The following MYLK variants were observed in gnomAD, a reference collection of about 807,000 sequenced individuals.
MYLK encodes myosin light chain kinase, smooth muscle.
In MYLK, 106 loss-of-function variants were observed where a neutral mutation model predicts 203.4. That is an observed-to-expected ratio of 0.52 (90% CI 0.45 to 0.61). The LOEUF is 0.61. MYLK is among the 20% of genes least tolerant of loss of function. The pLI is 0.00. For missense variants in MYLK, 2,072 were observed against 2,442.3 expected (o/e 0.85, Z 3.20); for synonymous variants, 867 against 959.5 (o/e 0.90, Z 1.78).
intron 3 of MYLK, among the ~76,000 whole-genome samples, chr3:123,820,786 C>T (rs1042855260): frequency 3.3e-5 from 5 of 152,010 alleles, no homozygotes; most frequent in African/African-American, 1.2e-4. Flanking sequence ...TGCAGTAGTG[C>T]AATCTCGGCT....
chr3:123,861,023 G>C (rs543787075), intron 2 of MYLK, among the ~76,000 whole-genome samples: 231 of 152,152 alleles, frequency 1.5e-3, no homozygotes, highest in African/African-American at 4.3e-3. Context: ...TCAGCTACTT[G>C]GGAGGCTGAG....
chr3:123,752,139 C>G (rs1057335457), intron 5 of MYLK, among the ~76,000 whole-genome samples, 192 bp downstream of exon 5: 1 of 152,110 alleles, frequency 6.6e-6, no homozygotes, highest in African/African-American at 2.4e-5. Context: ...CAAACATCAT[C>G]TCCTGGATGC....
At chr3:123,807,654 A>G (rs1431198165) in intron 3 of MYLK, among the ~76,000 whole-genome samples, 1 of 152,210 alleles carries the variant, frequency 6.6e-6, no homozygotes, top group African/African-American at 2.4e-5. Flanking sequence ...TGCCTGAGGA[A>G]GAGACCATGC....
chr3:123,745,565 C>G (rs2108846317), intron 5 of MYLK, among the ~76,000 whole-genome samples: 1 of 152,266 alleles, frequency 6.6e-6, no homozygotes, highest in South Asian at 2.1e-4. Context: ...TTTTGTTGTA[C>G]ATGTTAGTCT....
intron 33 of MYLK, 82 bp downstream of exon 33, chr3:123,618,557 T>C: frequency 1.3e-6 from 2 of 1,592,408 alleles, no homozygotes; most frequent in Non-Finnish European, 1.7e-6. Context: ...CAGAACTGAC[T>C]TCTTGCCCAC....
intron 2 of MYLK, among the ~76,000 whole-genome samples, chr3:123,868,114 G>A (rs2032462268): frequency 1.3e-5 from 2 of 152,194 alleles, no homozygotes; most frequent in African/African-American, 4.8e-5. Flanking sequence ...TAAATGACTG[G>A]TATATGCCCT....
At chr3:123,708,616 G>A (rs1162916876) in intron 15 of MYLK, 82 bp downstream of exon 15, 2 of 1,530,898 alleles carry the variant, frequency 1.3e-6, no homozygotes, top group African/African-American at 1.4e-5. Flanking sequence ...GTAGCCTCAT[G>A]TGGTTTCCTT....
chr3:123,732,863 A>G (rs983507163), intron 11 of MYLK, 33 bp downstream of exon 11: 1 of 1,599,584 alleles, frequency 6.3e-7, no homozygotes, highest in African/African-American at 1.3e-5. Context: ...TGTCCCACAG[A>G]GAATGCGGGG....
intron 4 of MYLK, among the ~76,000 whole-genome samples, chr3:123,786,159 C>T (rs964659868): frequency 3.8e-4 from 58 of 151,812 alleles, no homozygotes; most frequent in Middle Eastern, 3.4e-3. Context: ...AAAAATTAGC[C>T]GGGTGTGGTG....
intron 20 of MYLK, among the ~76,000 whole-genome samples, chr3:123,671,777 C>A (rs563492646): frequency 6.6e-6 from 1 of 151,718 alleles, no homozygotes; most frequent in Non-Finnish European, 1.5e-5. Context: ...AGAGAGAGAG[C>A]CCAAAGACAC....
intron 3 of MYLK, among the ~76,000 whole-genome samples, chr3:123,823,705 A>T (rs2066014846): frequency 6.6e-6 from 1 of 152,076 alleles, no homozygotes; most frequent in African/African-American, 2.4e-5. Context: ...AACACCCTCC[A>T]ATGGCTGCCC....
At chr3:123,709,917 G>C (rs1470534476) in intron 13 of MYLK, 24 bp from the exon 14 acceptor site, 1 of 1,613,296 alleles carries the variant, frequency 6.2e-7, no homozygotes, top group African/African-American at 1.3e-5. Flanking sequence ...AACAGAACGT[G>C]GGGTGAACAT....
intron 13 of MYLK, among the ~76,000 whole-genome samples, chr3:123,718,450 C>A (rs62264623): frequency 0.04 from 6,060 of 152,306 alleles, 165 homozygotes; most frequent in Middle Eastern, 0.099. Context: ...ATTGTTTTCT[C>A]CTCTCCTCCA....
At chr3:123,644,763 G>A (rs1248148665) in intron 27 of MYLK, among the ~76,000 whole-genome samples, 1 of 152,194 alleles carries the variant, frequency 6.6e-6, no homozygotes, top group African/African-American at 2.4e-5. Flanking sequence ...TCACAGATGT[G>A]GGCTACGTAT....
chr3:123,756,558 A>C (rs1329263888), intron 4 of MYLK, among the ~76,000 whole-genome samples: 1 of 152,142 alleles, frequency 6.6e-6, no homozygotes, highest in Non-Finnish European at 1.5e-5. Flanking sequence ...CCATCTCTGA[A>C]GTATTATGGT....
intron 13 of MYLK, among the ~76,000 whole-genome samples, chr3:123,720,449 G>A (rs191249871): frequency 2.4e-4 from 36 of 152,254 alleles, no homozygotes; most frequent in African/African-American, 8.2e-4. Flanking sequence ...GCGGCTCTAC[G>A]TGTAGCATTC....
rs1239643310 is a variant in MYLK at position 123,673,143 on chromosome 3, A to G, written c.3653-5956T>C. Among the ~76,000 whole-genome samples the G allele has an allele frequency of 2.0e-5, 3 of 147,248 alleles. No individual in the cohort carries two copies. The East Asian group carries it at 6.0e-4, about 29-fold the overall frequency. On this transcript the variant is annotated intron_variant, in intron 20 of 33. Transcript: ENST00000360304. ...AGGGAAGTATAGCATATAGTGCAGCATGTTCTTTTTTTCTTTTCTTTTTTT... is the reference window on the plus strand; with the variant it reads ...AGGGAAGTATAGCATATAGTGCAGCGTGTTCTTTTTTTCTTTTCTTTTTTT...
chr3:123,706,981 T>C (rs999752684), intron 16 of MYLK, among the ~76,000 whole-genome samples: 4 of 152,224 alleles, frequency 2.6e-5, no homozygotes, highest in African/African-American at 9.7e-5. Context: ...ACTTAGTGAC[T>C]CACTTCTAAC....
chr3:123,726,042 C>A lies in MYLK; in HGVS notation c.1553G>T (p.Ser518Ile), dbSNP rs2062270090. 1.2e-6 allele frequency: 2 copies of A among 1,614,160 alleles called. No homozygotes were observed. The highest frequency in any genetic ancestry group is 1.7e-6 in the Non-Finnish European group (2 of 1,180,030). The stretch of plus-strand genomic sequence containing the variant: ...AATAACAGCGCAGTCCTTCAGGACA[C>A]TGGAGAAGGAGGGGGCCACCTCCAT... ...AVMEVAPSFS[S>I]VLKDCAVIEG... Residue 518 changes from serine to isoleucine, a missense_variant, in exon 12 of 34, where the codon AGT (serine) becomes ATT (isoleucine). Ser to Ile is a moderately radical substitution (Grantham distance 142). Transcript: ENST00000360304.
Sources: gnomAD v4.1 joint callset for allele counts (sites outside exome capture counted in the v4.1 genomes callset) on GRCh38, gnomAD v4.1.1 for gene constraint, MANE v1.5 for transcripts, NCBI Gene and HGNC (gene_info 2026-07-23, HGNC 2026-07-21) for gene names.